CDH13: variants seen among roughly 807,000 people sequenced by gnomAD.
CDH13 encodes cadherin 13.
In CDH13, 24 loss-of-function variants were observed where a neutral mutation model predicts 63.8. That is an observed-to-expected ratio of 0.38 (90% CI 0.27 to 0.53). The LOEUF (loss-of-function observed/expected upper bound fraction) is 0.53, where lower values mean the gene tolerates loss of function less well. Ranked by LOEUF, CDH13 falls within the 20% of genes least tolerant of loss-of-function variation. CDH13 has a pLI of 0.85. For missense variants in CDH13, 1,049 were observed against 903.1 expected (o/e 1.16, Z -2.07); for synonymous variants, 503 against 355.3 (o/e 1.42, Z -4.67).
chr16:83,577,531 T>A (rs1905172109), intron 7 of CDH13, among the ~76,000 whole-genome samples: 1 of 152,184 alleles, frequency 6.6e-6, no homozygotes, highest in Non-Finnish European at 1.5e-5. Flanking sequence ...TGTTGCAATA[T>A]GAGGTCCTCC....
chr16:83,456,102 G>A (rs1261619295), intron 6 of CDH13, among the ~76,000 whole-genome samples: 1 of 152,204 alleles, frequency 6.6e-6, no homozygotes, highest in Non-Finnish European at 1.5e-5. Flanking sequence ...TGAGAAGACT[G>A]CATTTCTTCA....
At chr16:83,064,137 G>C (rs1457332238) in intron 3 of CDH13, among the ~76,000 whole-genome samples, 1 of 152,124 alleles carries the variant, frequency 6.6e-6, no homozygotes, top group Non-Finnish European at 1.5e-5. Flanking sequence ...TTGGGAGGCC[G>C]AGGTGGGCAG....
At chr16:83,126,733 T>C (rs2035827713) in intron 4 of CDH13, among the ~76,000 whole-genome samples, 1 of 152,082 alleles carries the variant, frequency 6.6e-6, no homozygotes, top group South Asian at 2.1e-4. Context: ...CGAAAAATGG[T>C]GGTTGGTTAA....
intron 2 of CDH13, among the ~76,000 whole-genome samples, chr16:82,888,696 A>G (rs766315343): frequency 7.2e-5 from 11 of 152,176 alleles, no homozygotes; most frequent in Admixed American, 6.5e-5. Context: ...CTGTTCCTGA[A>G]TGGGGATTAT....
chr16:83,589,403 A>G (rs981761378), intron 7 of CDH13, among the ~76,000 whole-genome samples: 1 of 140,094 alleles, frequency 7.1e-6, no homozygotes, highest in Non-Finnish European at 1.5e-5. Flanking sequence ...TGCTTCCATC[A>G]CCCATCTACT....
At chr16:82,658,209 C>T (rs913608337) in intron 1 of CDH13, among the ~76,000 whole-genome samples, 2 of 152,146 alleles carry the variant, frequency 1.3e-5, no homozygotes, top group African/African-American at 4.8e-5. Flanking sequence ...GGTCATCATC[C>T]CAGGCTTAGC....
chr16:83,693,580 T>C (rs1905096900), intron 10 of CDH13, among the ~76,000 whole-genome samples: 1 of 152,174 alleles, frequency 6.6e-6, no homozygotes. Flanking sequence ...AGTTTCTAAA[T>C]ATTAAGTTTT....
intron 1 of CDH13, among the ~76,000 whole-genome samples, chr16:82,647,369 C>T (rs746292655): frequency 6.6e-6 from 1 of 152,134 alleles, no homozygotes; most frequent in Non-Finnish European, 1.5e-5. Flanking sequence ...TGAGTTTCCT[C>T]AAAAGCGGAT....
chr16:83,023,346 C>A (rs987204260), intron 2 of CDH13, among the ~76,000 whole-genome samples: 2 of 151,640 alleles, frequency 1.3e-5, no homozygotes, highest in Non-Finnish European at 2.9e-5. Context: ...AAGATTATCT[C>A]AAAGAATGAT....
intron 2 of CDH13, among the ~76,000 whole-genome samples, chr16:83,029,055 A>G (rs2151468034): frequency 6.6e-6 from 1 of 152,312 alleles, no homozygotes; most frequent in Non-Finnish European, 1.5e-5. Flanking sequence ...GGATCAAAAT[A>G]GTACTTTATT....
At chr16:82,906,294 A>G (rs117034758) in intron 2 of CDH13, among the ~76,000 whole-genome samples, 1 of 152,138 alleles carries the variant, frequency 6.6e-6, no homozygotes, top group Non-Finnish European at 1.5e-5. Context: ...GCAGACCTCC[A>G]TGGTGGCCAT....
chr16:83,713,554 G>A (rs534745662), intron 10 of CDH13, among the ~76,000 whole-genome samples: 17 of 151,856 alleles, frequency 1.1e-4, no homozygotes, highest in African/African-American at 2.7e-4. Flanking sequence ...GTAAAAAGAC[G>A]TGTTTCTTTA....
intron 2 of CDH13, among the ~76,000 whole-genome samples, chr16:83,027,448 C>T (rs1192551934): frequency 6.6e-6 from 1 of 152,110 alleles, no homozygotes; most frequent in Non-Finnish European, 1.5e-5. Context: ...GAAATGCCTT[C>T]TGCAGAGAGG....
At chr16:82,907,886 C>T (rs978512928) in intron 2 of CDH13, among the ~76,000 whole-genome samples, 1 of 152,144 alleles carries the variant, frequency 6.6e-6, no homozygotes, top group South Asian at 2.1e-4. Context: ...TGAATGCAAA[C>T]CATGGGCTGA....
chr16:82,887,787 A>C (rs1318930447), intron 2 of CDH13, among the ~76,000 whole-genome samples: 2 of 152,042 alleles, frequency 1.3e-5, no homozygotes, highest in Admixed American at 1.3e-4. Context: ...GCACCACTGC[A>C]CTCTAGCCTG....
intron 5 of CDH13, among the ~76,000 whole-genome samples, chr16:83,339,235 C>T (rs951960710): frequency 7.9e-5 from 12 of 152,176 alleles, no homozygotes; most frequent in African/African-American, 2.9e-4. Flanking sequence ...TCATGAGTTT[C>T]TCCTTCCTTG....
chr16:83,268,059 C>T lies in CDH13; in HGVS notation c.636+50562C>T, dbSNP rs185054357. On this transcript the variant is annotated intron_variant, in intron 5 of 13. Coordinates refer to ENST00000567109, the MANE Select transcript of CDH13 (RefSeq NM_001257.5). Reference sequence around the variant, plus strand: ...CTGTATGGGAAATGGTGGACACTGACACACACAGGTGTATATAGATACACC... The same window carrying T: ...CTGTATGGGAAATGGTGGACACTGATACACACAGGTGTATATAGATACACC... 3.3e-5 allele frequency among the ~76,000 whole-genome samples: 5 copies of T among 152,278 alleles called. No homozygotes were observed. The South Asian group carries it at 8.3e-4, about 25-fold the overall frequency.
intron 5 of CDH13, among the ~76,000 whole-genome samples, chr16:83,241,887 G>C (rs1286375955): frequency 6.6e-6 from 1 of 152,134 alleles, no homozygotes; most frequent in African/African-American, 2.4e-5. Context: ...TGCTTTTTGT[G>C]TCATATATAA....
chr16:83,657,894 C>T (rs1037855153), intron 8 of CDH13, among the ~76,000 whole-genome samples: 1 of 150,110 alleles, frequency 6.7e-6, no homozygotes, highest in Non-Finnish European at 1.5e-5. Context: ...ATCATCACCA[C>T]CAGGTCCCAT....
Sources: gnomAD v4.1 joint callset for allele counts (sites outside exome capture counted in the v4.1 genomes callset) on GRCh38, gnomAD v4.1.1 for gene constraint, MANE v1.5 for transcripts, NCBI Gene and HGNC (gene_info 2026-07-23, HGNC 2026-07-21) for gene names.